TVP23C: variants seen among roughly 807,000 people sequenced by gnomAD.
The protein encoded by TVP23C is Golgi apparatus membrane protein TVP23 homolog C.
TVP23C carries 19 observed loss-of-function variants against 28.7 expected under a neutral mutation model. The ratio of observed to expected loss-of-function variants is 0.66; its 90% CI spans 0.46 to 0.97. TVP23C has a LOEUF of 0.97. Among genes scored for constraint, TVP23C ranks in the 50% least tolerant of loss-of-function variants. The pLI is 0.00. For synonymous variants in TVP23C, 68 were observed against 81.7 expected, an observed-to-expected ratio of 0.83 and a Z score of 0.90; for missense variants, 186 against 241.3, an observed-to-expected ratio of 0.77 and a Z score of 1.52.
At chr17:15,525,583 A>G (rs1982684938) in intron 5 of TVP23C, among the ~76,000 whole-genome samples, 1 of 152,250 alleles carries the variant, frequency 6.6e-6, no homozygotes, top group Non-Finnish European at 1.5e-5. Context: ...TGAGAGTTCC[A>G]GCCTGCTGGC....
Position 15,527,371 on chromosome 17 carries a change from A to G in TVP23C, c.462+18414T>C, listed in dbSNP as rs562272510. ...CTAAACAAAATAAAAAATAAAATGAAATCAGCATTCTTTCCTATAATTGAC... is the reference window on the plus strand; with the variant it reads ...CTAAACAAAATAAAAAATAAAATGAGATCAGCATTCTTTCCTATAATTGAC... On this transcript the variant is annotated intron_variant, in intron 5 of 5. Coordinates refer to the TVP23C transcript ENST00000225576. 4.5e-4 allele frequency among the ~76,000 whole-genome samples: 69 copies of G among 152,192 alleles called. 1 individual carries two copies. The highest frequency in any genetic ancestry group is 1.6e-3 in the African/African-American group (66 of 41,494).
At chr17:15,562,219 G>C (rs1984429937) in intron 1 of TVP23C, 2 of 152,308 alleles carry the variant, frequency 1.3e-5, no homozygotes, top group South Asian at 4.2e-4. Flanking sequence ...CCTGATCCAA[G>C]ACTTTTTTTG....
intron 5 of TVP23C, among the ~76,000 whole-genome samples, chr17:15,505,882 G>A (rs1017920206): frequency 6.6e-5 from 10 of 152,220 alleles, no homozygotes; most frequent in South Asian, 2.1e-4. Flanking sequence ...CCAGCCCACC[G>A]GCGCTGTGCT....
chr17:15,558,924 AAC>A, intron 1 of TVP23C, among the ~76,000 whole-genome samples: 1 of 145,692 alleles, frequency 6.9e-6, no homozygotes, highest in Non-Finnish European at 1.5e-5. Context: ...AGTGCAGTGG[AAC>A]AATCAGGGGT....
chr17:15,506,705 C>A (rs1425695223), intron 5 of TVP23C, among the ~76,000 whole-genome samples: 1 of 152,182 alleles, frequency 6.6e-6, no homozygotes, highest in Non-Finnish European at 1.5e-5. Flanking sequence ...TCAGCGAGAC[C>A]ACGAACCCAC....
intron 5 of TVP23C, among the ~76,000 whole-genome samples, chr17:15,512,946 A>G (rs1982064567): frequency 6.6e-6 from 1 of 152,172 alleles, no homozygotes; most frequent in Non-Finnish European, 1.5e-5. Context: ...CCTTAGGCAA[A>G]TCCCCTCTCC....
chr17:15,523,631 T>C (rs1357801231), intron 5 of TVP23C, among the ~76,000 whole-genome samples: 2 of 151,184 alleles, frequency 1.3e-5, no homozygotes, highest in African/African-American at 4.9e-5. Context: ...TTTTTCTTTT[T>C]TTGAGACAGT....
intron 5 of TVP23C, among the ~76,000 whole-genome samples, chr17:15,541,749 G>A (rs1297163784): frequency 6.6e-6 from 1 of 152,108 alleles, no homozygotes; most frequent in Non-Finnish European, 1.5e-5. Context: ...ACGTGTTAGT[G>A]TAATAAGAGG....
rs991631864 is a variant in TVP23C at position 15,538,584 on chromosome 17, C to G, written c.*1828G>C. 8 of 978,652 alleles carry G rather than the reference C, an allele frequency of 8.2e-6. No individual in the cohort carries two copies. The highest frequency in any genetic ancestry group is 9.7e-6 in the Non-Finnish European group (8 of 824,198). The allele number at this position is 978,652 out of a possible 1,614,324, so 60.6% of individuals were successfully genotyped here. On this transcript the variant is annotated 3_prime_UTR_variant, in exon 6 of 6. Transcript: ENST00000518321. The stretch of plus-strand genomic sequence containing the variant: ...CAGCCTGGGCAAACAGAGTGAGACT[C>G]TGTCTCAAAAAAAATAAATAAATAA...
rs928296750 is a variant in TVP23C at position 15,546,991 on chromosome 17, C to T, written c.330+68G>A. 29 of 1,303,240 alleles carry T rather than the reference C, an allele frequency of 2.2e-5. No homozygotes were observed. The African/African-American group carries it at 4.4e-4, about 20-fold the overall frequency. 80.7% of individuals were successfully genotyped at this position (1,303,240 alleles called of 1,614,324 possible). ...TTTTAATTCTGAATACTTCATCTTCCAGTATTTAAATATAGTCTACAAATA... is the reference window on the plus strand; with the variant it reads ...TTTTAATTCTGAATACTTCATCTTCTAGTATTTAAATATAGTCTACAAATA... On this transcript the variant is annotated intron_variant, in intron 4 of 5. Coordinates refer to ENST00000518321, the MANE Select transcript of TVP23C (RefSeq NM_001135036.2).
intron 5 of TVP23C, among the ~76,000 whole-genome samples, chr17:15,523,584 C>G (rs1398724049): frequency 1.3e-5 from 2 of 151,838 alleles, no homozygotes; most frequent in African/African-American, 4.8e-5. Flanking sequence ...GCTGAGATTA[C>G]AGGCATGAGC....
intron 5 of TVP23C, among the ~76,000 whole-genome samples, chr17:15,542,500 G>A (rs553503273): frequency 3.2e-4 from 49 of 151,720 alleles, no homozygotes; most frequent in South Asian, 1.3e-3. Context: ...TTTTTGAGAC[G>A]GAGTCTCGCT....
In TVP23C at chr17:15,510,851, C is replaced by T. The variant is rs143618835; in HGVS notation, c.463-7619G>A. Among the ~76,000 whole-genome samples, 339 of 152,020 alleles carry T rather than the reference C, an allele frequency of 2.2e-3. 2 individuals are homozygous for T. Among genetic ancestry groups the T allele is most frequent in the African/African-American group, 7.6e-3 (314 of 41,492 alleles). On this transcript the variant is annotated intron_variant, in intron 5 of 5. Coordinates refer to the TVP23C transcript ENST00000225576. The stretch of plus-strand genomic sequence containing the variant: ...AGGGCAGATCATGAGGTCAAGAGTT[C>T]GAGACCAGCCTGGCCAATATGGTGA...
downstream of TVP23C, among the ~76,000 whole-genome samples, chr17:15,532,303 T>TG (rs1453046956): frequency 2.0e-5 from 3 of 152,298 alleles, no homozygotes; most frequent in East Asian, 5.8e-4. Context: ...TGACCTGAGT[T>TG]GGGTTAAATG....
chr17:15,539,701 T>G lies in TVP23C; in HGVS notation c.*711A>C, dbSNP rs1281644142. 5.1e-6 allele frequency: 5 copies of G among 985,266 alleles called. No homozygotes were observed. The highest frequency in any genetic ancestry group is 2.4e-6 in the Non-Finnish European group (2 of 829,952). 61.0% of individuals were successfully genotyped at this position (985,266 alleles called of 1,614,324 possible). A position where few individuals can be genotyped will look rare whatever the true frequency, so the allele number is the denominator to read the frequency against. ...ACTCATCCTGCTGAAAACCCTGATG[T>G]TGAGGTATTATAGTAAAATCCTTAT... On this transcript the variant is annotated 3_prime_UTR_variant, in exon 6 of 6. Coordinates refer to ENST00000518321, the MANE Select transcript of TVP23C (RefSeq NM_001135036.2).
chr17:15,511,581 TGAA>T (rs1269445724), intron 5 of TVP23C, among the ~76,000 whole-genome samples: 2 of 152,214 alleles, frequency 1.3e-5, no homozygotes, highest in Non-Finnish European at 2.9e-5. Flanking sequence ...GTTAAGAAAC[TGAA>T]AGAGATGATT....
At chr17:15,525,187 C>T (rs1325481512) in intron 5 of TVP23C, among the ~76,000 whole-genome samples, 4 of 152,302 alleles carry the variant, frequency 2.6e-5, no homozygotes, top group African/African-American at 7.2e-5. Context: ...TGTTAAAAGG[C>T]GGGCACATGC....
intron 5 of TVP23C, among the ~76,000 whole-genome samples, chr17:15,510,235 G>A (rs367973069): frequency 6.6e-6 from 1 of 152,164 alleles, no homozygotes; most frequent in Non-Finnish European, 1.5e-5. Flanking sequence ...CTGGGCTGGA[G>A]GAAGATGATG....
At chr17:15,508,177 T>C (rs1369095299) in intron 5 of TVP23C, among the ~76,000 whole-genome samples, 2 of 152,162 alleles carry the variant, frequency 1.3e-5, no homozygotes, top group African/African-American at 4.8e-5. Flanking sequence ...GAGGTACTCC[T>C]CTGCTGGGTT....
Sources: allele counts gnomAD v4.1 joint callset (sites outside exome capture counted in the v4.1 genomes callset), GRCh38; gene constraint gnomAD v4.1.1; transcripts MANE v1.5; gene names NCBI Gene and HGNC (gene_info 2026-07-23, HGNC 2026-07-21).